The following SRPK2 variants were observed in gnomAD, a reference collection of about 807,000 sequenced individuals.
SRPK2 encodes the protein SFRS protein kinase 2.
SRPK2 carries 21 observed loss-of-function variants against 90.8 expected under a neutral mutation model. The observed-to-expected ratio is 0.23, with a 90% confidence interval of 0.16 to 0.33. The LOEUF is 0.33. Among genes scored for constraint, SRPK2 ranks in the 10% least tolerant of loss-of-function variants. The pLI, the probability that SRPK2 is intolerant of heterozygous loss-of-function variation, is 1.00. For synonymous variants in SRPK2, 288 were observed against 311.1 expected (o/e 0.93, Z 0.78); for missense variants, 620 against 869.0 (o/e 0.71, Z 3.60).
rs749907215 is a variant in SRPK2, at chr7:105,170,977, G to GAAAGAA, written c.230-1713_230-1712insTTCTTT. Among the ~76,000 whole-genome samples the GAAAGAA allele has an allele frequency of 1.6e-3, 66 of 42,208 alleles. 10 individuals are homozygous for GAAAGAA. The highest frequency in any genetic ancestry group is 0.019 in the Middle Eastern group (1 of 52). The allele number at this position is 42,208 out of a possible 152,430, so 27.7% of individuals were successfully genotyped here. A position where few individuals can be genotyped will look rare whatever the true frequency, so the allele number is the denominator to read the frequency against. ...AAAGAAAGAAAGAAAGAGAAAGAAA[G>GAAAGAA]AGAAAGAAAGAAAGAAAGAGAAAGA... On this transcript the variant is annotated intron_variant, in intron 3 of 15. Transcript: ENST00000393651.
intron 2 of SRPK2, among the ~76,000 whole-genome samples, chr7:105,331,308 CAAAAAAAA>C (rs57653042): frequency 8.0e-4 from 36 of 45,102 alleles, no homozygotes; most frequent in African/African-American, 2.1e-3. Flanking sequence ...GACTCCGTCT[CAAAAAAAA>C]AAAAAAAAAA....
intron 7 of SRPK2, among the ~76,000 whole-genome samples, chr7:105,149,430 T>A (rs1303510638): frequency 6.6e-6 from 1 of 152,180 alleles, no homozygotes. Flanking sequence ...CTCCTTATTA[T>A]CACCCTGCCC....
chr7:105,170,288 T>C (rs751994404), intron 3 of SRPK2, among the ~76,000 whole-genome samples: 1 of 152,280 alleles, frequency 6.6e-6, no homozygotes, highest in African/African-American at 2.4e-5. Context: ...TAATGGTTTA[T>C]TAATAACTAG....
chr7:105,388,748 G>T, intron 1 of SRPK2, 43 bp downstream of exon 1: 1 of 1,546,686 alleles, frequency 6.5e-7, no homozygotes, highest in Non-Finnish European at 8.7e-7. Context: ...GCCCGCCCGG[G>T]CTGGCCGCGT....
rs778576501 is a variant in SRPK2, at chr7:105,143,223, T to C, written c.921A>G (p.Glu307=). 1 of 1,614,138 alleles carries C rather than the reference T, an allele frequency of 6.2e-7. No individual in the cohort carries two copies. The highest frequency in any genetic ancestry group is 8.5e-7 in the Non-Finnish European group (1 of 1,180,040). Residue 307 remains glutamate, a synonymous_variant, in exon 10 of 16, where the codon GAA becomes GAG. Coordinates refer to ENST00000393651, the MANE Select transcript of SRPK2 (RefSeq NM_182692.3). ...RLQEIEELER[E]AERKIIEENI... is the part of the protein sequence containing the mutation. ...TTTCTTCTATTATTTTCCTTTCAGC[T>C]TCTCGCTCCAATTCTTCTATCTCCT...
chr7:105,208,674 C>A (rs928127923), intron 2 of SRPK2, among the ~76,000 whole-genome samples: 2 of 152,052 alleles, frequency 1.3e-5, no homozygotes, highest in Admixed American at 1.3e-4. Context: ...GGACTGACTG[C>A]TAGTAGATAT....
At chr7:105,190,600 A>G (rs1029770415) in intron 3 of SRPK2, among the ~76,000 whole-genome samples, 2 of 152,102 alleles carry the variant, frequency 1.3e-5, no homozygotes, top group Admixed American at 1.3e-4. Flanking sequence ...TTCCCTTCTG[A>G]CATGAATCAC....
At chr7:105,230,944 T>A (rs910301713) in intron 2 of SRPK2, among the ~76,000 whole-genome samples, 5 of 152,246 alleles carry the variant, frequency 3.3e-5, no homozygotes, top group African/African-American at 1.2e-4. Context: ...AAATGTGTTT[T>A]TTATTTTAAC....
intron 2 of SRPK2, among the ~76,000 whole-genome samples, chr7:105,239,843 T>C (rs1428456294): frequency 1.3e-5 from 2 of 152,220 alleles, no homozygotes; most frequent in African/African-American, 4.8e-5. Context: ...TTCGCAGCAG[T>C]GTCAGATTTG....
intron 2 of SRPK2, among the ~76,000 whole-genome samples, chr7:105,386,817 A>G (rs557330771): frequency 5.9e-5 from 9 of 152,354 alleles, no homozygotes; most frequent in African/African-American, 2.2e-4. Flanking sequence ...CCGTTACCTT[A>G]CAGACTAGAG....
chr7:105,285,375 AC>A (rs1807936304), intron 2 of SRPK2, among the ~76,000 whole-genome samples: 1 of 126,252 alleles, frequency 7.9e-6, no homozygotes, highest in Non-Finnish European at 1.6e-5. Flanking sequence ...ACAGAGTGAG[AC>A]CCCGTCTCCA....
chr7:105,204,207 G>A (rs1795921851), intron 2 of SRPK2, among the ~76,000 whole-genome samples: 1 of 152,190 alleles, frequency 6.6e-6, no homozygotes, highest in Non-Finnish European at 1.5e-5. Flanking sequence ...ACTTTTGAAA[G>A]CACTTATTTC....
chr7:105,175,627 C>G (rs1432925575), intron 3 of SRPK2, among the ~76,000 whole-genome samples: 1 of 151,996 alleles, frequency 6.6e-6, no homozygotes, highest in East Asian at 1.9e-4. Context: ...AATTTCGGGC[C>G]AGGCAGATTG....
intron 7 of SRPK2, among the ~76,000 whole-genome samples, chr7:105,157,788 C>T (rs542010104): frequency 9.2e-5 from 14 of 152,248 alleles, no homozygotes; most frequent in African/African-American, 3.4e-4. Context: ...GGATAACACA[C>T]GCATTGGCCA....
chr7:105,346,188 A>G (rs1174042127), intron 2 of SRPK2, among the ~76,000 whole-genome samples: 1 of 152,234 alleles, frequency 6.6e-6, no homozygotes, highest in Non-Finnish European at 1.5e-5. Context: ...CAAGGTTTTA[A>G]AGTTTTTTAA....
At chr7:105,363,815 A>G (rs2132304273) in intron 2 of SRPK2, among the ~76,000 whole-genome samples, 1 of 152,356 alleles carries the variant, frequency 6.6e-6, no homozygotes, top group East Asian at 1.9e-4. Context: ...GTGGATTAAG[A>G]AAATGTGGCA....
At chr7:105,396,982 TTTTTA>T (rs957576197) in intron 1 of SRPK2, among the ~76,000 whole-genome samples, 3 of 152,108 alleles carry the variant, frequency 2.0e-5, no homozygotes, top group Admixed American at 6.6e-5. Flanking sequence ...TATTTTTTTA[TTTTTA>T]TTTTTAGTGG....
At chr7:105,245,734 A>C (rs1801567213) in intron 2 of SRPK2, among the ~76,000 whole-genome samples, 1 of 152,070 alleles carries the variant, frequency 6.6e-6, no homozygotes, top group African/African-American at 2.4e-5. Flanking sequence ...TCAAGAGACA[A>C]GTTCTCTCTG....
At chr7:105,289,230 C>T (rs1044405530) in intron 2 of SRPK2, among the ~76,000 whole-genome samples, 5 of 150,996 alleles carry the variant, frequency 3.3e-5, no homozygotes, top group East Asian at 1.9e-4. Context: ...GCCGAGATGG[C>T]GCCACTGCAC....
Sources: allele counts gnomAD v4.1 joint callset (sites outside exome capture counted in the v4.1 genomes callset), GRCh38; gene constraint gnomAD v4.1.1; transcripts MANE v1.5; gene names NCBI Gene and HGNC (gene_info 2026-07-23, HGNC 2026-07-21).